SMCR8: variants seen among roughly 807,000 people sequenced by gnomAD.
The protein encoded by SMCR8 is SMCR8-C9orf72 complex subunit.
SMCR8 carries 30 observed loss-of-function variants against 56.6 expected under a neutral mutation model. That is an observed-to-expected ratio of 0.53 (90% confidence interval 0.40 to 0.72). The LOEUF (loss-of-function observed/expected upper bound fraction) is 0.72. Among genes scored for constraint, SMCR8 ranks in the 30% least tolerant of loss-of-function variants. SMCR8 has a pLI of 0.00. For missense variants in SMCR8, 1,198 were observed against 1,157.0 expected (o/e 1.04, Z -0.51); for synonymous variants, 538 against 456.0 (o/e 1.18, Z -2.29).
chr17:18,323,139 C>A lies in SMCR8; in HGVS notation c.*69C>A. The A allele has an allele frequency of 1.5e-6, 2 of 1,352,860 alleles. No individual in the cohort carries two copies. Among genetic ancestry groups the A allele is most frequent in the Non-Finnish European group, 1.0e-6 (1 of 969,696 alleles). The allele number at this position is 1,352,860 out of a possible 1,614,324, so 83.8% of individuals were successfully genotyped here. On this transcript the variant is annotated 3_prime_UTR_variant, in exon 2 of 2. Coordinates refer to ENST00000406438, the MANE Select transcript of SMCR8 (RefSeq NM_144775.3). ...TGGGGAGGGGAGGGGTTGGCATGAC[C>A]AAACAGTTGCCTGAGCTGGACTGTT...
In SMCR8 at chr17:18,316,350, C is replaced by T. The variant is rs773573979; in HGVS notation, c.561C>T (p.Asn187=). The change falls in exon 1 of 2, where the codon AAC becomes AAT. Residue 187 remains asparagine (N), a synonymous_variant. Coordinates refer to ENST00000406438, the MANE Select transcript of SMCR8 (RefSeq NM_144775.3). The part of the protein sequence containing the change: ...SRASECLKTG[N]RKAFAGELEK... The stretch of plus-strand genomic sequence containing the variant: ...CTTCTGAGTGCTTGAAGACTGGCAA[C>T]AGGAAGGCATTTGCTGGGGAACTTG... The T allele has an allele frequency of 6.2e-7, 1 of 1,614,134 alleles. No individual in the cohort carries two copies. Among genetic ancestry groups the T allele is most frequent in the South Asian group, 1.1e-5 (1 of 91,080 alleles).
In SMCR8 at chr17:18,324,246, C is replaced by T. The variant is rs1185465811; in HGVS notation, c.*1176C>T. ...TGCCTCTGGGAGGCTGTGTGCACCT[C>T]AGTCACCACAGCTCACGGCCGTCCC... On this transcript the variant is annotated 3_prime_UTR_variant, in exon 2 of 2. Transcript: ENST00000406438. 2 of 152,244 alleles carry T rather than the reference C, an allele frequency of 1.3e-5. No individual in the cohort carries two copies. Among genetic ancestry groups the T allele is most frequent in the African/African-American group, 2.4e-5 (1 of 41,460 alleles). The allele number at this position is 152,244 out of a possible 1,614,324, so 9.4% of individuals were successfully genotyped here. A position where few individuals can be genotyped will look rare whatever the true frequency, so the allele number is the denominator to read the frequency against.
chr17:18,326,088 G>A lies in SMCR8; in HGVS notation c.*3018G>A, dbSNP rs747519924. 1 of 152,086 alleles carries A rather than the reference G, an allele frequency of 6.6e-6. No individual in the cohort carries two copies. Among genetic ancestry groups the A allele is most frequent in the African/African-American group, 2.4e-5 (1 of 41,406 alleles). The allele number at this position is 152,086 out of a possible 1,614,324, so 9.4% of individuals were successfully genotyped here. A position where few individuals can be genotyped will look rare whatever the true frequency, so the allele number is the denominator to read the frequency against. On this transcript the variant is annotated 3_prime_UTR_variant, in exon 2 of 2. Transcript: ENST00000406438. Reference sequence around the variant, plus strand: ...AAAAAAAAAAAATTTTTCATTTGAGGTATTCTTCCAGTAGAAGGTTAGTAA... The same window carrying A: ...AAAAAAAAAAAATTTTTCATTTGAGATATTCTTCCAGTAGAAGGTTAGTAA...
At position 18,316,585 on chromosome 17, in the gene SMCR8, T is replaced by G; in HGVS notation, c.796T>G (p.Leu266Val). The G allele has an allele frequency of 6.2e-7, 1 of 1,614,222 alleles. No individual in the cohort carries two copies. Among genetic ancestry groups the G allele is most frequent in the Non-Finnish European group, 8.5e-7 (1 of 1,180,036 alleles). ...YPHRKLKGHD[L>V]CPGEMEHIQD... ...TCATCGGAAGTTGAAGGGGCATGAT[T>G]TGTGTCCTGGTGAGATGGAGCACAT... is the stretch of plus-strand genomic sequence containing the variant. The change falls in exon 1 of 2, where the codon TTG becomes GTG. Residue 266 changes from leucine (L) to valine (V), a missense_variant. Physicochemically the swap from Leu to Val is conservative, Grantham distance 32 (BLOSUM62 1). Coordinates refer to ENST00000406438, the MANE Select transcript of SMCR8 (RefSeq NM_144775.3).
At position 18,317,272 on chromosome 17, in the gene SMCR8, G is replaced by A. The variant is rs751507364; in HGVS notation, c.1483G>A (p.Val495Ile). The change falls in exon 1 of 2, where the codon GTA (valine) becomes ATA (isoleucine). Residue 495 changes from valine (V) to isoleucine (I), a missense_variant. Val to Ile is a conservative substitution (Grantham distance 29). Coordinates refer to ENST00000406438, the MANE Select transcript of SMCR8 (RefSeq NM_144775.3). ...SKSDSQASLTVPLSPQVVRSK... is the reference protein window; with the variant it reads ...SKSDSQASLTIPLSPQVVRSK... ...ATCTGACAGCCAGGCAAGCCTCACA[G>A]TACCATTGAGCCCCCAGGTGGTCCG... The A allele has an allele frequency of 1.8e-4, 295 of 1,614,000 alleles. No homozygotes were observed. Among genetic ancestry groups the A allele is most frequent in the Admixed American group, 2.8e-4 (17 of 60,004 alleles).
In SMCR8 at chr17:18,316,539, G is replaced by A. The variant is rs1982294014; in HGVS notation, c.750G>A (p.Leu250=). 9 of 1,614,072 alleles carry A rather than the reference G, an allele frequency of 5.6e-6. No homozygotes were observed. The highest frequency in any genetic ancestry group is 1.1e-5 in the South Asian group (1 of 91,088). The change falls in exon 1 of 2, where the codon CTG becomes CTA. Residue 250 remains leucine, a synonymous_variant. Transcript: ENST00000406438. ...EKSIIEHQDL[L]KQIRSYPHRK... ...CCATCATTGAACATCAAGACCTGCT[G>A]AAGCAGATCCGCTCATACCCTCATC...
In SMCR8 at chr17:18,327,578, G is replaced by T. The variant is rs1469021438; in HGVS notation, c.*4508G>T. The T allele has an allele frequency of 1.3e-5, 2 of 152,268 alleles. No homozygotes were observed. The highest frequency in any genetic ancestry group is 6.5e-5 in the Admixed American group (1 of 15,288). 9.4% of individuals were successfully genotyped at this position (152,268 alleles called of 1,614,324 possible). On this transcript the variant is annotated 3_prime_UTR_variant, in exon 2 of 2. Transcript: ENST00000406438. ...GTGGGACCACAGGCTGCCTCACCGG[G>T]ATTGTCTGCCACTAAATAGCTGGAG...
At position 18,315,764 on chromosome 17, in the gene SMCR8, A is replaced by G; in HGVS notation, c.-26A>G. 6.4e-7 allele frequency: 1 copy of G among 1,550,584 alleles called. No homozygotes were observed. The highest frequency in any genetic ancestry group is 2.0e-5 in the Admixed American group (1 of 50,098). The stretch of plus-strand genomic sequence containing the variant: ...ACCGCATTCTTTCCCACTTCCTCTC[A>G]ATGTTTTCTTCATATATCTGGAAAT... On this transcript the variant is annotated 5_prime_UTR_variant, in exon 1 of 2. Coordinates refer to ENST00000406438, the MANE Select transcript of SMCR8 (RefSeq NM_144775.3).
chr17:18,325,243 G>T lies in SMCR8; in HGVS notation c.*2173G>T, dbSNP rs1300197086. 2.0e-5 allele frequency: 3 copies of T among 152,272 alleles called. No individual in the cohort carries two copies. The highest frequency in any genetic ancestry group is 2.9e-5 in the Non-Finnish European group (2 of 68,074). 9.4% of individuals were successfully genotyped at this position (152,272 alleles called of 1,614,324 possible). A position where few individuals can be genotyped will look rare whatever the true frequency, so the allele number is the denominator to read the frequency against. Reference sequence around the variant, plus strand: ...GGGAAGGGCTGATGAGTTTGGGGCAGATCCTGAATTGCAGCCACACTTGGC... The same window carrying T: ...GGGAAGGGCTGATGAGTTTGGGGCATATCCTGAATTGCAGCCACACTTGGC... On this transcript the variant is annotated 3_prime_UTR_variant, in exon 2 of 2. Coordinates refer to ENST00000406438, the MANE Select transcript of SMCR8 (RefSeq NM_144775.3).
At position 18,317,346 on chromosome 17, in the gene SMCR8, C is replaced by T. The variant is rs141700914; in HGVS notation, c.1557C>T (p.Val519=). The T allele has an allele frequency of 1.7e-4, 271 of 1,614,002 alleles. 1 individual carries two copies. Among genetic ancestry groups the T allele is most frequent in the Non-Finnish European group, 2.2e-4 (262 of 1,180,042 alleles). The change falls in exon 1 of 2, where the codon GTC becomes GTT. Residue 519 remains valine, a synonymous_variant. Coordinates refer to ENST00000406438, the MANE Select transcript of SMCR8 (RefSeq NM_144775.3). The stretch of plus-strand genomic sequence containing the variant: ...CCATCAGCGAGGACAGTATTGAAGT[C>T]CTCAGTACCTGCCCCTCTGAGGCCC... The part of the protein sequence containing the change: ...HRTISEDSIE[V]LSTCPSEALI...
chr17:18,315,813 G>T lies in SMCR8; in HGVS notation c.24G>T (p.Val8=). 1 of 1,598,392 alleles carries T rather than the reference G, an allele frequency of 6.3e-7. No individual in the cohort carries two copies. The highest frequency in any genetic ancestry group is 1.1e-5 in the South Asian group (1 of 90,340). Residue 8 remains valine (V), a synonymous_variant, in exon 1 of 2, where the codon GTG becomes GTT. Coordinates refer to ENST00000406438, the MANE Select transcript of SMCR8 (RefSeq NM_144775.3). Reference sequence around the variant, plus strand: ...ATATGATCAGCGCCCCTGACGTAGTGGCCTTCACCAAAGAGGAAGAGTATG... The same window carrying T: ...ATATGATCAGCGCCCCTGACGTAGTTGCCTTCACCAAAGAGGAAGAGTATG... MISAPDV[V]AFTKEEEYEE... is the part of the protein sequence containing the mutation.
intron 1 of SMCR8, among the ~76,000 whole-genome samples, chr17:18,320,309 C>T (rs903005211): frequency 3.9e-5 from 6 of 152,228 alleles, no homozygotes; most frequent in African/African-American, 1.2e-4. Context: ...AGGCTTGTCC[C>T]TTCCCGTGTC....
rs1263083988 is a variant in SMCR8 at position 18,327,318 on chromosome 17, A to AGGG, written c.*4249_*4250insGGG. 2 of 152,296 alleles carry AGGG rather than the reference A, an allele frequency of 1.3e-5. No individual in the cohort carries two copies. The highest frequency in any genetic ancestry group is 2.9e-5 in the Non-Finnish European group (2 of 68,086). 9.4% of individuals were successfully genotyped at this position (152,296 alleles called of 1,614,324 possible). A position where few individuals can be genotyped will look rare whatever the true frequency, so the allele number is the denominator to read the frequency against. Reference sequence around the variant, plus strand: ...CCGATTAATCTGTTGGTAGGGGCCCAGCTTCTTGGGAGTGCTTATTCAGCC... The same window carrying AGGG: ...CCGATTAATCTGTTGGTAGGGGCCCAGGGGCTTCTTGGGAGTGCTTATTCAGCC... On this transcript the variant is annotated 3_prime_UTR_variant, in exon 2 of 2. Transcript: ENST00000406438.
Position 18,317,288 on chromosome 17 carries a change from A to G in SMCR8, c.1499A>G (p.Gln500Arg). The G allele has an allele frequency of 6.2e-7, 1 of 1,614,146 alleles. No individual in the cohort carries two copies. The highest frequency in any genetic ancestry group is 8.5e-7 in the Non-Finnish European group (1 of 1,180,032). The change falls in exon 1 of 2, where the codon CAG becomes CGG. Residue 500 changes from glutamine (Q) to arginine (R), a missense_variant. By Grantham distance (43) the Gln-to-Arg change is conservative. Coordinates refer to ENST00000406438, the MANE Select transcript of SMCR8 (RefSeq NM_144775.3). ...QASLTVPLSP[Q>R]VVRSKAVSHR... Reference sequence around the variant, plus strand: ...AGCCTCACAGTACCATTGAGCCCCCAGGTGGTCCGGAGCAAAGCAGTCAGC... The same window carrying G: ...AGCCTCACAGTACCATTGAGCCCCCGGGTGGTCCGGAGCAAAGCAGTCAGC...
At chr17:18,318,922 C>T (rs1312434665) in intron 1 of SMCR8, among the ~76,000 whole-genome samples, 1 of 152,220 alleles carries the variant, frequency 6.6e-6, no homozygotes, top group Non-Finnish European at 1.5e-5. Context: ...CTTCAGAGCA[C>T]GTGCAGATGT....
chr17:18,315,599 C>A lies in SMCR8; in HGVS notation c.-191C>A. The A allele has an allele frequency of 1.7e-6, 1 of 574,066 alleles. No homozygotes were observed. Among genetic ancestry groups the A allele is most frequent in the East Asian group, 2.9e-5 (1 of 34,672 alleles). The allele number at this position is 574,066 out of a possible 1,614,324, so 35.6% of individuals were successfully genotyped here. ...GCCTCAGAGAGCTCCGGAGGAGCTA[C>A]AACTGTGAGGGGGCTGCTAGAGTTC... On this transcript the variant is annotated 5_prime_UTR_variant, in exon 1 of 2. Transcript: ENST00000406438.
intron 1 of SMCR8, among the ~76,000 whole-genome samples, chr17:18,318,397 T>G (rs544822566): frequency 6.6e-6 from 1 of 151,920 alleles, no homozygotes; most frequent in Non-Finnish European, 1.5e-5. Context: ...TAGGGAAAGT[T>G]TTTATTTTTA....
In SMCR8 at chr17:18,324,411, G is replaced by C. The variant is rs1196748337; in HGVS notation, c.*1341G>C. 6.6e-6 allele frequency: 1 copy of C among 152,346 alleles called. No homozygotes were observed. The highest frequency in any genetic ancestry group is 1.5e-5 in the Non-Finnish European group (1 of 68,116). The allele number at this position is 152,346 out of a possible 1,614,324, so 9.4% of individuals were successfully genotyped here. ...CAATGGCCACTGGTTTGTAGACAGA[G>C]AGTTTCTTGCAGCCTTGAAAATTTT... On this transcript the variant is annotated 3_prime_UTR_variant, in exon 2 of 2. Transcript: ENST00000406438.
rs776387842 is a variant in SMCR8, at chr17:18,317,457, C to T, written c.1668C>T (p.Arg556=). Reference sequence around the variant, plus strand: ...CAGATGGCAATGAAGGAGCCATCCGCTTCCAGGCAAGCATCAGTCCTCCAG... The same window carrying T: ...CAGATGGCAATGAAGGAGCCATCCGTTTCCAGGCAAGCATCAGTCCTCCAG... ...SYPDGNEGAI[R]FQASISPPEL... Residue 556 remains arginine, a synonymous_variant, in exon 1 of 2, where the codon CGC becomes CGT. Coordinates refer to ENST00000406438, the MANE Select transcript of SMCR8 (RefSeq NM_144775.3). 7 of 1,613,998 alleles carry T rather than the reference C, an allele frequency of 4.3e-6. No individual in the cohort carries two copies. The Middle Eastern group carries it at 4.9e-4, about 114-fold the overall frequency.
Sources: allele counts gnomAD v4.1 joint callset (sites outside exome capture counted in the v4.1 genomes callset), GRCh38; gene constraint gnomAD v4.1.1; transcripts MANE v1.5; gene names NCBI Gene and HGNC (gene_info 2026-07-23, HGNC 2026-07-21).